MAPK10: variants seen among roughly 807,000 people sequenced by gnomAD.
MAPK10 encodes the protein mitogen-activated protein kinase 10.
In MAPK10, 25 loss-of-function variants were observed where a neutral mutation model predicts 59.3. The ratio of observed to expected loss-of-function variants is 0.42; its 90% CI spans 0.31 to 0.59. MAPK10 has a LOEUF of 0.59. Ranked by LOEUF, MAPK10 falls within the 20% of genes least tolerant of loss-of-function variation. MAPK10 has a pLI of 0.15. For missense variants in MAPK10, 351 were observed against 568.9 expected, an observed-to-expected ratio of 0.62 and a Z score of 3.90; for synonymous variants, 190 against 200.5, an observed-to-expected ratio of 0.95 and a Z score of 0.44.
chr4:86,334,920 T>C (rs900647052), intron 2 of MAPK10, among the ~76,000 whole-genome samples: 1 of 152,108 alleles, frequency 6.6e-6, no homozygotes, highest in Non-Finnish European at 1.5e-5. Context: ...GGACAAGACC[T>C]TTTCTGAACT....
intron 1 of MAPK10, among the ~76,000 whole-genome samples, chr4:86,554,963 T>C (rs1760142780): frequency 6.6e-6 from 1 of 152,214 alleles, no homozygotes; most frequent in Non-Finnish European, 1.5e-5. Flanking sequence ...AAATTTTGTC[T>C]TCTTTTCTTC....
intron 1 of MAPK10, among the ~76,000 whole-genome samples, chr4:86,463,796 T>C (rs745604656): frequency 6.6e-6 from 1 of 152,204 alleles, no homozygotes; most frequent in Non-Finnish European, 1.5e-5. Flanking sequence ...CTCCCTAGCC[T>C]TGGCAATTAA....
At chr4:86,213,279 T>C (rs2086393771) in intron 2 of MAPK10, among the ~76,000 whole-genome samples, 1 of 151,968 alleles carries the variant, frequency 6.6e-6, no homozygotes, top group South Asian at 2.1e-4. Context: ...AACCTAACTT[T>C]GCAACTTAAG....
intron 2 of MAPK10, among the ~76,000 whole-genome samples, chr4:86,273,783 T>C (rs1394880408): frequency 6.6e-6 from 1 of 152,022 alleles, no homozygotes; most frequent in African/African-American, 2.4e-5. Flanking sequence ...TGAGTTGCAA[T>C]TTATGTTCAA....
intron 2 of MAPK10, among the ~76,000 whole-genome samples, chr4:86,329,794 A>G: frequency 6.6e-6 from 1 of 152,200 alleles, no homozygotes; most frequent in East Asian, 1.9e-4. Context: ...ATTAGTCAAT[A>G]TAGCACTTTT....
chr4:86,061,771 C>A (rs534912650), intron 11 of MAPK10, among the ~76,000 whole-genome samples: 1 of 152,004 alleles, frequency 6.6e-6, no homozygotes, highest in Non-Finnish European at 1.5e-5. Context: ...TTTGAATTTC[C>A]TTCCCTCCCT....
intron 11 of MAPK10, among the ~76,000 whole-genome samples, chr4:86,046,414 C>T (rs2042513515): frequency 6.6e-6 from 1 of 151,244 alleles, no homozygotes; most frequent in Admixed American, 6.6e-5. Context: ...CAGCTTCTGC[C>T]CATTCAGTAT....
chr4:86,267,267 C>T (rs1181190954), intron 2 of MAPK10, among the ~76,000 whole-genome samples: 1 of 151,986 alleles, frequency 6.6e-6, no homozygotes, highest in Non-Finnish European at 1.5e-5. Flanking sequence ...TGTAAATAGC[C>T]AAAATAAAGT....
chr4:86,085,022 T>G (rs2051467014), intron 9 of MAPK10, among the ~76,000 whole-genome samples: 1 of 152,168 alleles, frequency 6.6e-6, no homozygotes, highest in Non-Finnish European at 1.5e-5. Context: ...CAATAAATGG[T>G]GTGGAAAAAC....
At chr4:86,590,266 C>G (rs1343056486) in intron 1 of MAPK10, among the ~76,000 whole-genome samples, 1 of 152,078 alleles carries the variant, frequency 6.6e-6, no homozygotes, top group African/African-American at 2.4e-5. Flanking sequence ...ACACCGTAAC[C>G]TGAATGATAC....
At chr4:86,301,413 GA>G (rs111965801) in intron 2 of MAPK10, among the ~76,000 whole-genome samples, 3,673 of 144,834 alleles carry the variant, frequency 0.025, 61 homozygotes, top group African/African-American at 0.05. Flanking sequence ...CCACTAGCTA[GA>G]AAAAAAAAAA....
At chr4:86,217,177 C>T (rs1287566047) in intron 2 of MAPK10, among the ~76,000 whole-genome samples, 2 of 152,156 alleles carry the variant, frequency 1.3e-5, no homozygotes, top group Non-Finnish European at 1.5e-5. Flanking sequence ...CTTGAAACAT[C>T]TTAAAAATTG....
chr4:86,422,701 G>A (rs1746690361), intron 1 of MAPK10, among the ~76,000 whole-genome samples: 1 of 152,162 alleles, frequency 6.6e-6, no homozygotes, highest in African/African-American at 2.4e-5. Flanking sequence ...TCCAAAGTAA[G>A]TTTCAAAACA....
chr4:86,548,967 T>C (rs913822188), intron 1 of MAPK10, among the ~76,000 whole-genome samples: 13 of 152,192 alleles, frequency 8.5e-5, no homozygotes, highest in African/African-American at 2.9e-4. Flanking sequence ...TATGATTTAG[T>C]GATTCCCATT....
chr4:86,378,113 T>A lies in MAPK10; in HGVS notation c.-121-23469A>T, dbSNP rs185322614. On this transcript the variant is annotated intron_variant, in intron 1 of 13. Coordinates refer to the MAPK10 transcript ENST00000361569. The stretch of plus-strand genomic sequence containing the variant: ...TCAGTATTAACCATCACAGCAGCCA[T>A]GTGATAACTTATATTACACCATGTC... 7.9e-5 allele frequency among the ~76,000 whole-genome samples: 12 copies of A among 152,274 alleles called. No homozygotes were observed. The East Asian group carries it at 2.3e-3, about 29-fold the overall frequency.
chr4:86,146,831 A>G (rs939467959), intron 4 of MAPK10, among the ~76,000 whole-genome samples: 1 of 152,208 alleles, frequency 6.6e-6, no homozygotes, highest in African/African-American at 2.4e-5. Context: ...TAACCAATGT[A>G]TATGAACTGA....
chr4:86,336,203 G>A (rs957894434), intron 2 of MAPK10: 20 of 152,028 alleles, frequency 1.3e-4, no homozygotes, highest in African/African-American at 4.8e-4. Context: ...GCTAAGGGCA[G>A]AATCAATTTT....
intron 11 of MAPK10, among the ~76,000 whole-genome samples, chr4:86,053,372 A>T (rs189321038): frequency 1.3e-5 from 2 of 152,298 alleles, no homozygotes; most frequent in Admixed American, 1.3e-4. Context: ...TTCTTTGATG[A>T]TGGACAAAAA....
At chr4:86,206,008 T>G (rs768129974) in intron 2 of MAPK10, among the ~76,000 whole-genome samples, 1 of 152,012 alleles carries the variant, frequency 6.6e-6, no homozygotes, top group Non-Finnish European at 1.5e-5. Context: ...AAAAACAAAC[T>G]GTTCTCCACT....
Sources: allele counts gnomAD v4.1 joint callset (sites outside exome capture counted in the v4.1 genomes callset), GRCh38; gene constraint gnomAD v4.1.1; transcripts MANE v1.5; gene names NCBI Gene and HGNC (gene_info 2026-07-23, HGNC 2026-07-21).